DOCK7: variants seen among roughly 807,000 people sequenced by gnomAD.
DOCK7 encodes dedicator of cytokinesis protein 7.
DOCK7 carries 138 observed loss-of-function variants against 271.0 expected under a neutral mutation model. The observed-to-expected ratio is 0.51, with a 90% confidence interval of 0.44 to 0.59. DOCK7 has a LOEUF of 0.59. Ranked by LOEUF, DOCK7 falls within the 20% of genes least tolerant of loss-of-function variation. The pLI is 0.00. For synonymous variants in DOCK7, 823 were observed against 876.1 expected (o/e 0.94, Z 1.07); for missense variants, 2,066 against 2,592.4 (o/e 0.80, Z 4.41).
intron 39 of DOCK7, chr1:62,495,062 T>C (rs541369839): frequency 6.6e-6 from 1 of 152,514 alleles, no homozygotes; most frequent in East Asian, 1.9e-4. Flanking sequence ...AACATTCATA[T>C]ACTGTATTTT....
intron 22 of DOCK7, among the ~76,000 whole-genome samples, chr1:62,546,864 T>C (rs1233918892): frequency 1.3e-5 from 2 of 152,166 alleles, no homozygotes; most frequent in African/African-American, 2.4e-5. Flanking sequence ...TCCAAAATTA[T>C]GTCCAAGCCC....
intron 22 of DOCK7, among the ~76,000 whole-genome samples, chr1:62,547,831 T>TTAAATTCAG (rs1645760963): frequency 6.6e-6 from 1 of 152,218 alleles, no homozygotes; most frequent in Non-Finnish European, 1.5e-5. Flanking sequence ...AATAAAAGCC[T>TTAAATTCAG]GTTCAGGTTA....
At chr1:62,621,746 T>C (rs1303671332) in intron 12 of DOCK7, among the ~76,000 whole-genome samples, 1 of 152,202 alleles carries the variant, frequency 6.6e-6, no homozygotes, top group Non-Finnish European at 1.5e-5. Flanking sequence ...TATAACTAAT[T>C]ATTGTAAATG....
intron 22 of DOCK7, among the ~76,000 whole-genome samples, chr1:62,547,130 AT>A (rs1055461690): frequency 1.9e-4 from 29 of 152,168 alleles, no homozygotes; most frequent in African/African-American, 6.5e-4. Context: ...GAATAAAAAA[AT>A]CTCTTTGTGC....
chr1:62,520,858 G>A (rs2149355162), intron 31 of DOCK7, among the ~76,000 whole-genome samples: 1 of 152,212 alleles, frequency 6.6e-6, no homozygotes, highest in African/African-American at 2.4e-5. Flanking sequence ...CAATCCCAAT[G>A]CCCATCAATG....
intron 11 of DOCK7, 53 bp downstream of exon 11, chr1:62,631,184 CAAA>C: frequency 3.9e-6 from 5 of 1,274,620 alleles, no homozygotes; most frequent in Non-Finnish European, 3.2e-6. Flanking sequence ...AACTCCATCT[CAAA>C]AAAAAAAGAA....
chr1:62,598,794 A>G (rs774927796), intron 14 of DOCK7: 2 of 1,595,336 alleles, frequency 1.3e-6, no homozygotes. Context: ...AAATAAAAGA[A>G]ATAGAAAATC....
intron 1 of DOCK7, among the ~76,000 whole-genome samples, chr1:62,683,037 T>C (rs1347688244): frequency 6.6e-6 from 1 of 152,166 alleles, no homozygotes; most frequent in Non-Finnish European, 1.5e-5. Flanking sequence ...GAAGGACTAA[T>C]GGTAGTCCCA....
chr1:62,653,872 G>T, intron 3 of DOCK7, 79 bp from the exon 4 acceptor site: 1 of 1,476,422 alleles, frequency 6.8e-7, no homozygotes, highest in Non-Finnish European at 9.4e-7. Context: ...TACAATCGCT[G>T]TTTGCGTAAC....
At chr1:62,675,716 T>C (rs1660478625) in intron 1 of DOCK7, among the ~76,000 whole-genome samples, 1 of 148,716 alleles carries the variant, frequency 6.7e-6, no homozygotes, top group Non-Finnish European at 1.5e-5. Context: ...ACCCGGGAAG[T>C]GGAGCTTGCA....
At position 62,574,147 on chromosome 1, in the gene DOCK7, G is replaced by A. The variant is rs185548721; in HGVS notation, c.2112+3115C>T. On this transcript the variant is annotated intron_variant, in intron 18 of 49. Coordinates refer to ENST00000635253, the MANE Select transcript of DOCK7 (RefSeq NM_001367561.1). Reference sequence around the variant, plus strand: ...CCCTAAATGCCATGTTTCTAATTCAGCCTCTAGATTGGGAGTCACAAGGAT... The same window carrying A: ...CCCTAAATGCCATGTTTCTAATTCAACCTCTAGATTGGGAGTCACAAGGAT... 6.0e-3 allele frequency among the ~76,000 whole-genome samples: 910 copies of A among 152,110 alleles called. 4 individuals carry two copies. Among genetic ancestry groups the A allele is most frequent in the Non-Finnish European group, 0.011 (744 of 68,000 alleles).
chr1:62,535,527 C>T lies in DOCK7; in HGVS notation c.3577G>A (p.Glu1193Lys), dbSNP rs548706843. Residue 1193 changes from glutamate to lysine, a missense_variant, in exon 29 of 50, where the codon GAG (glutamate) becomes AAG (lysine). This residue lies in a region of DOCK7 where 1,414 missense variants were observed against 1,670.4 expected (regional missense o/e 0.85). Coordinates refer to ENST00000635253, the MANE Select transcript of DOCK7 (RefSeq NM_001367561.1). Reference sequence around the variant, plus strand: ...TCAGGGTCTAAAATGACAGCCAGCTCTGTTAACACAAGTCCTGCCAAATAA... The same window carrying T: ...TCAGGGTCTAAAATGACAGCCAGCTTTGTTAACACAAGTCCTGCCAAATAA... The part of the protein sequence containing the change: ...QHYLAGLVLT[E>K]LAVILDPDAE... 1 of 1,614,032 alleles carries T rather than the reference C, an allele frequency of 6.2e-7. No homozygotes were observed. Among genetic ancestry groups the T allele is most frequent in the South Asian group, 1.1e-5 (1 of 91,066 alleles).
intron 29 of DOCK7, among the ~76,000 whole-genome samples, chr1:62,534,871 A>G (rs1195963702): frequency 6.6e-6 from 1 of 152,060 alleles, no homozygotes; most frequent in African/African-American, 2.4e-5. Flanking sequence ...GGTGGTGATC[A>G]CTTGAGGTCA....
chr1:62,574,687 T>C (rs918576476), intron 18 of DOCK7, among the ~76,000 whole-genome samples: 2 of 152,188 alleles, frequency 1.3e-5, no homozygotes, highest in African/African-American at 4.8e-5. Flanking sequence ...GCACTAAAAC[T>C]AAAACAAACG....
At position 62,543,698 on chromosome 1, in the gene DOCK7, T is replaced by G. The variant is rs779231908; in HGVS notation, c.2907A>C (p.Ser969=). The G allele has an allele frequency of 6.2e-7, 1 of 1,605,572 alleles. No individual in the cohort carries two copies. Among genetic ancestry groups the G allele is most frequent in the Non-Finnish European group, 8.5e-7 (1 of 1,173,802 alleles). ...CNRMSSHTET[S]SFLQTLTGRL... ...GTCCCGTTAATGTTTGTAAGAAACT[T>G]GACGTCTCTGTGTGCGAAGACATAC... The change falls in exon 24 of 50, where the codon TCA becomes TCC. Residue 969 remains serine, a synonymous_variant. Transcript: ENST00000635253.
chr1:62,679,378 T>C (rs1660866022), intron 1 of DOCK7, among the ~76,000 whole-genome samples: 1 of 152,072 alleles, frequency 6.6e-6, no homozygotes, highest in Non-Finnish European at 1.5e-5. Context: ...TTGCTACACA[T>C]ATAATCAATA....
intron 12 of DOCK7, among the ~76,000 whole-genome samples, chr1:62,620,884 A>AG (rs1491587623): frequency 3.4e-5 from 4 of 117,470 alleles, no homozygotes; most frequent in African/African-American, 1.7e-4. Context: ...ACTCCGTCTC[A>AG]AAAAAAAAAA....
chr1:62,506,492 A>G (rs1646940681), intron 35 of DOCK7, among the ~76,000 whole-genome samples: 1 of 150,402 alleles, frequency 6.6e-6, no homozygotes, highest in Non-Finnish European at 1.5e-5. Context: ...TGTTTTTGAG[A>G]TGGAGTCTCA....
chr1:62,641,316 G>T (rs1297132641), intron 7 of DOCK7: 2 of 411,978 alleles, frequency 4.9e-6, no homozygotes, highest in Admixed American at 2.9e-5. Flanking sequence ...AGGAGCCCCA[G>T]GTAGGCAAAC....
Sources: allele counts gnomAD v4.1 joint callset (sites outside exome capture counted in the v4.1 genomes callset), GRCh38; gene constraint gnomAD v4.1.1; regional missense constraint gnomAD v4.1.1; transcripts MANE v1.5; gene names NCBI Gene and HGNC (gene_info 2026-07-23, HGNC 2026-07-21).